The following HS3ST4 variants were observed in gnomAD, a reference collection of about 807,000 sequenced individuals.
HS3ST4 encodes heparan sulfate glucosamine 3-O-sulfotransferase 4.
In HS3ST4, 17 loss-of-function variants were observed where a neutral mutation model predicts 29.2. The ratio of observed to expected loss-of-function variants is 0.58; its 90% CI spans 0.40 to 0.87. The LOEUF is 0.87. HS3ST4 is among the 40% of genes least tolerant of loss of function. The pLI, the probability that HS3ST4 is intolerant of heterozygous loss-of-function variation, is 0.00. For synonymous variants in HS3ST4, 314 were observed against 285.7 expected, an observed-to-expected ratio of 1.10 and a Z score of -1.00; for missense variants, 627 against 634.5, an observed-to-expected ratio of 0.99 and a Z score of 0.13.
chr16:25,770,676 G>T (rs1188283905), intron 1 of HS3ST4, among the ~76,000 whole-genome samples: 1 of 152,196 alleles, frequency 6.6e-6, no homozygotes, highest in African/African-American at 2.4e-5. Flanking sequence ...CGGCCTGAAT[G>T]GCTGCCCTGC....
chr16:26,071,327 G>A (rs930175488), intron 1 of HS3ST4, among the ~76,000 whole-genome samples: 11 of 152,130 alleles, frequency 7.2e-5, no homozygotes, highest in African/African-American at 2.7e-4. Context: ...GAGTCCGTGG[G>A]TGCGGGGTTG....
chr16:25,716,242 C>T (rs944182575), intron 1 of HS3ST4, among the ~76,000 whole-genome samples: 8 of 152,204 alleles, frequency 5.3e-5, no homozygotes, highest in African/African-American at 1.9e-4. Context: ...ATTCTCTTTT[C>T]GCTGTCTTGC....
chr16:25,846,143 A>C (rs987875172), intron 1 of HS3ST4, among the ~76,000 whole-genome samples: 2 of 152,192 alleles, frequency 1.3e-5, no homozygotes, highest in African/African-American at 4.8e-5. Context: ...TCTTGATCGT[A>C]AAGTAGCAGT....
intron 1 of HS3ST4, among the ~76,000 whole-genome samples, chr16:26,083,359 G>A (rs191635150): frequency 5.6e-4 from 86 of 152,270 alleles, no homozygotes; most frequent in Non-Finnish European, 1.0e-3. Context: ...TAGCTATTGT[G>A]GCTAGCTTAA....
intron 1 of HS3ST4, among the ~76,000 whole-genome samples, chr16:25,804,081 C>T (rs1176416813): frequency 6.6e-6 from 1 of 151,940 alleles, no homozygotes; most frequent in Non-Finnish European, 1.5e-5. Flanking sequence ...CTTTTCTAGC[C>T]CTCAGTTTCA....
chr16:25,733,435 C>T (rs1203435483), intron 1 of HS3ST4, among the ~76,000 whole-genome samples: 1 of 152,122 alleles, frequency 6.6e-6, no homozygotes, highest in African/African-American at 2.4e-5. Flanking sequence ...TTCACCTGAG[C>T]ATCTAGCCCC....
intron 1 of HS3ST4, among the ~76,000 whole-genome samples, chr16:25,986,316 A>T (rs1208391147): frequency 6.6e-6 from 1 of 152,224 alleles, no homozygotes; most frequent in Non-Finnish European, 1.5e-5. Flanking sequence ...GGATGGATTA[A>T]TCAATGAGCT....
chr16:25,910,722 C>T (rs921605500), intron 1 of HS3ST4, among the ~76,000 whole-genome samples: 1 of 151,904 alleles, frequency 6.6e-6, no homozygotes, highest in Non-Finnish European at 1.5e-5. Context: ...ATGGGTGTGG[C>T]CATTTTCCAC....
chr16:25,904,089 T>C (rs1461341172), intron 1 of HS3ST4, among the ~76,000 whole-genome samples: 1 of 151,462 alleles, frequency 6.6e-6, no homozygotes, highest in Non-Finnish European at 1.5e-5. Context: ...GATGGATGCA[T>C]GGATGAATGA....
chr16:25,723,916 A>G (rs548036103), intron 1 of HS3ST4, among the ~76,000 whole-genome samples: 2 of 152,242 alleles, frequency 1.3e-5, no homozygotes, highest in Admixed American at 6.5e-5. Flanking sequence ...GATCGAGACC[A>G]TCTTGGCCAA....
chr16:26,039,387 C>A (rs1414723800), intron 1 of HS3ST4, among the ~76,000 whole-genome samples: 2 of 152,078 alleles, frequency 1.3e-5, no homozygotes, highest in Non-Finnish European at 2.9e-5. Flanking sequence ...TATACATTTT[C>A]TATTAGTATT....
intron 1 of HS3ST4, among the ~76,000 whole-genome samples, chr16:25,695,047 A>G (rs1175234589): frequency 1.3e-5 from 2 of 152,202 alleles, no homozygotes; most frequent in Non-Finnish European, 2.9e-5. Context: ...TGCTGATGTT[A>G]GGAAGAGAAG....
At chr16:25,796,870 T>G (rs1443174831) in intron 1 of HS3ST4, among the ~76,000 whole-genome samples, 16 of 152,076 alleles carry the variant, frequency 1.1e-4, no homozygotes, top group Non-Finnish European at 2.1e-4. Context: ...TGGCAAGGGG[T>G]GGGAACTTCC....
intron 1 of HS3ST4, among the ~76,000 whole-genome samples, chr16:25,916,301 C>T (rs1300663509): frequency 2.6e-5 from 4 of 152,120 alleles, no homozygotes; most frequent in Non-Finnish European, 5.9e-5. Flanking sequence ...TGGAGATTTC[C>T]CACCCAGAAA....
chr16:26,012,045 T>C (rs1010467991), intron 1 of HS3ST4, among the ~76,000 whole-genome samples: 1 of 152,204 alleles, frequency 6.6e-6, no homozygotes, highest in Non-Finnish European at 1.5e-5. Context: ...CGATTAATGC[T>C]CCTTTAATGA....
intron 1 of HS3ST4, among the ~76,000 whole-genome samples, chr16:26,089,809 G>A (rs1898832566): frequency 6.6e-6 from 1 of 152,190 alleles, no homozygotes; most frequent in South Asian, 2.1e-4. Context: ...TGAATTGTGA[G>A]TTTGAGTCCT....
At chr16:26,065,465 C>T (rs1216884943) in intron 1 of HS3ST4, among the ~76,000 whole-genome samples, 1 of 151,916 alleles carries the variant, frequency 6.6e-6, no homozygotes, top group Non-Finnish European at 1.5e-5. Context: ...CACACTGGGG[C>T]CTTTCAGAGG....
chr16:25,807,281 GC>G (rs952621034), intron 1 of HS3ST4, among the ~76,000 whole-genome samples: 1 of 152,128 alleles, frequency 6.6e-6, no homozygotes, highest in Non-Finnish European at 1.5e-5. Context: ...GCCTCTGGTT[GC>G]CTTTTTATAG....
intron 1 of HS3ST4, among the ~76,000 whole-genome samples, chr16:25,726,164 T>G (rs755783339): frequency 5.3e-5 from 8 of 152,254 alleles, no homozygotes; most frequent in Non-Finnish European, 1.2e-4. Flanking sequence ...ACTGCATGAA[T>G]TTTATTGGTT....
Sources: gnomAD v4.1 joint callset for allele counts (sites outside exome capture counted in the v4.1 genomes callset) on GRCh38, gnomAD v4.1.1 for gene constraint, MANE v1.5 for transcripts, NCBI Gene and HGNC (gene_info 2026-07-23, HGNC 2026-07-21) for gene names.